The following BIN1 variants were observed in gnomAD, a reference collection of about 807,000 sequenced individuals.
BIN1 encodes bridging integrator 1.
BIN1 carries 53 observed loss-of-function variants against 82.0 expected under a neutral mutation model. The ratio of observed to expected loss-of-function variants is 0.65; its 90% CI spans 0.52 to 0.81. BIN1 has a LOEUF of 0.81. BIN1 is among the 40% of genes least tolerant of loss of function. The pLI is 0.00. For missense variants in BIN1, 642 were observed against 784.4 expected (o/e 0.82, Z 2.17); for synonymous variants, 302 against 328.0 (o/e 0.92, Z 0.86).
chr2:127,077,130 T>C (rs540210585), intron 1 of BIN1, among the ~76,000 whole-genome samples: 3 of 152,136 alleles, frequency 2.0e-5, no homozygotes, highest in South Asian at 4.2e-4. Flanking sequence ...ATGACTCTAT[T>C]CCCTGGGCCC....
rs13430398 is a variant in BIN1 at position 127,076,952 on chromosome 2, C to T, written c.85-246G>A. 0.18 allele frequency among the ~76,000 whole-genome samples: 27,469 copies of T among 151,996 alleles called. 2,655 individuals are homozygous for T. Among genetic ancestry groups the T allele is most frequent in the South Asian group, 0.25 (1,189 of 4,820 alleles). On this transcript the variant is annotated intron_variant, in intron 1 of 18. Transcript: ENST00000316724. ...AAAATGGAGCTTAGGACAGGCTTGA[C>T]GTAGTGACCACAGCCAGGAGGAGGG... is the stretch of plus-strand genomic sequence containing the variant.
At position 127,070,665 on chromosome 2, in the gene BIN1, A is replaced by T; in HGVS notation, c.221-18T>A. The T allele has an allele frequency of 6.2e-7, 1 of 1,613,990 alleles. No individual in the cohort carries two copies. Among genetic ancestry groups the T allele is most frequent in the Non-Finnish European group, 8.5e-7 (1 of 1,179,992 alleles). ...GTGCATGGCTGTGGGGCAGAAAGGAAGTATGTGGGCCTCCCACTGATAGCG... is the reference window on the plus strand; with the variant it reads ...GTGCATGGCTGTGGGGCAGAAAGGATGTATGTGGGCCTCCCACTGATAGCG... On this transcript the variant is annotated intron_variant, in intron 3 of 18. Transcript: ENST00000316724.
chr2:127,065,730 T>C (rs1435742626), intron 7 of BIN1, among the ~76,000 whole-genome samples: 1 of 152,196 alleles, frequency 6.6e-6, no homozygotes, highest in Non-Finnish European at 1.5e-5. Flanking sequence ...GCAGCTTGTC[T>C]GTGGGAACAT....
chr2:127,064,638 G>A (rs771722822), intron 7 of BIN1: 3 of 178,074 alleles, frequency 1.7e-5, no homozygotes, highest in Non-Finnish European at 3.6e-5. Flanking sequence ...GGCACCTCTA[G>A]GAATGTCAGG....
chr2:127,081,367 G>T (rs1164130296), intron 1 of BIN1, among the ~76,000 whole-genome samples: 1 of 152,202 alleles, frequency 6.6e-6, no homozygotes, highest in Non-Finnish European at 1.5e-5. Flanking sequence ...AGTCAGGAGG[G>T]GCCAGGAGCT....
At chr2:127,054,034 AGAG>A in intron 12 of BIN1, 22 bp from the exon 13 acceptor site, 1 of 1,544,186 alleles carries the variant, frequency 6.5e-7, no homozygotes, top group Non-Finnish European at 8.8e-7. Context: ...CAGCAGCAGC[AGAG>A]GAGGAAGCAG....
intron 1 of BIN1, among the ~76,000 whole-genome samples, chr2:127,088,504 G>C (rs1678477599): frequency 1.3e-5 from 2 of 152,170 alleles, no homozygotes. Context: ...GGGAGGCTGA[G>C]GGGGGCAAAT....
At chr2:127,064,481 C>T (rs1196737861) in intron 7 of BIN1, among the ~76,000 whole-genome samples, 1 of 152,232 alleles carries the variant, frequency 6.6e-6, no homozygotes, top group African/African-American at 2.4e-5. Flanking sequence ...TTGCCCCCGC[C>T]CCTGAGTGCT....
rs192202510 is a variant in BIN1 at position 127,063,523 on chromosome 2, C to T, written c.774+48G>A. On this transcript the variant is annotated intron_variant, in intron 9 of 18. Coordinates refer to ENST00000316724, the MANE Select transcript of BIN1 (RefSeq NM_139343.3). ...CCCTCCCACGACTCTGACTCTGACCCTCGGCCAGGGTGGGGTGTGGCCCCT... is the reference window on the plus strand; with the variant it reads ...CCCTCCCACGACTCTGACTCTGACCTTCGGCCAGGGTGGGGTGTGGCCCCT... 9.5e-6 allele frequency: 15 copies of T among 1,586,244 alleles called. 1 individual carries two copies. In the Admixed American group the frequency reaches 1.9e-4, roughly 20 times the overall value.
At chr2:127,073,082 G>GTTT (rs1686117240) in intron 2 of BIN1, among the ~76,000 whole-genome samples, 1 of 152,216 alleles carries the variant, frequency 6.6e-6, no homozygotes, top group Admixed American at 6.5e-5. Flanking sequence ...CGGGCTTCAG[G>GTTT]CCGTACCAGG....
At chr2:127,048,713 T>A in intron 18 of BIN1, 80 bp from the exon 19 acceptor site, 1 of 1,370,070 alleles carries the variant, frequency 7.3e-7, no homozygotes, top group South Asian at 1.2e-5. Flanking sequence ...TCCAACCTGC[T>A]GGGAAGACGG....
At position 127,051,359 on chromosome 2, in the gene BIN1, G is replaced by T. The variant is rs940958467; in HGVS notation, c.1372-116C>A. ...ACAGGGCCGGGGGCATCGCCTGGCT[G>T]GCAGCAGGGTCTAGAGCTGCCCAGT... is the stretch of plus-strand genomic sequence containing the variant. On this transcript the variant is annotated intron_variant, in intron 15 of 18. Transcript: ENST00000316724. 10 of 1,046,784 alleles carry T rather than the reference G, an allele frequency of 9.6e-6. No homozygotes were observed. In the East Asian group the frequency reaches 2.6e-4, roughly 27 times the overall value. 64.8% of individuals were successfully genotyped at this position (1,046,784 alleles called of 1,614,324 possible). A position where few individuals can be genotyped will look rare whatever the true frequency, so the allele number is the denominator to read the frequency against.
intron 2 of BIN1, among the ~76,000 whole-genome samples, chr2:127,076,347 A>G (rs1381938877): frequency 1.3e-5 from 2 of 151,448 alleles, no homozygotes; most frequent in Non-Finnish European, 2.9e-5. Flanking sequence ...TCTGGCCACA[A>G]TCTATTGCCT....
chr2:127,100,977 C>T (rs1221726805), intron 1 of BIN1, among the ~76,000 whole-genome samples: 1 of 123,098 alleles, frequency 8.1e-6, no homozygotes, highest in Non-Finnish European at 1.7e-5. Context: ...TTCAGTGAGA[C>T]TTGCCCAAGG....
At chr2:127,083,638 C>T (rs1178538778) in intron 1 of BIN1, among the ~76,000 whole-genome samples, 5 of 152,208 alleles carry the variant, frequency 3.3e-5, no homozygotes, top group Non-Finnish European at 7.3e-5. Context: ...CCCCCAAATG[C>T]CCTTTATGTC....
chr2:127,092,524 G>C (rs1342741863), intron 1 of BIN1, among the ~76,000 whole-genome samples: 1 of 152,184 alleles, frequency 6.6e-6, no homozygotes, highest in Non-Finnish European at 1.5e-5. Flanking sequence ...GCTGACTAAA[G>C]GCCCCAAACA....
At chr2:127,065,693 G>A (rs1033251079) in intron 7 of BIN1, among the ~76,000 whole-genome samples, 1 of 152,182 alleles carries the variant, frequency 6.6e-6, no homozygotes. Context: ...AGATGGCAAC[G>A]GTGGGGACAG....
At chr2:127,072,476 G>A (rs1302921783) in intron 2 of BIN1, among the ~76,000 whole-genome samples, 1 of 152,190 alleles carries the variant, frequency 6.6e-6, no homozygotes, top group Non-Finnish European at 1.5e-5. Flanking sequence ...CCCGCAGGGT[G>A]TTTTGTGGGT....
At chr2:127,098,972 G>A (rs966381724) in intron 1 of BIN1, among the ~76,000 whole-genome samples, 4 of 152,208 alleles carry the variant, frequency 2.6e-5, no homozygotes, top group South Asian at 2.1e-4. Flanking sequence ...AGCTGACCAC[G>A]GCTGCTTTAT....
Sources: allele counts gnomAD v4.1 joint callset (sites outside exome capture counted in the v4.1 genomes callset), GRCh38; gene constraint gnomAD v4.1.1; transcripts MANE v1.5; gene names NCBI Gene and HGNC (gene_info 2026-07-23, HGNC 2026-07-21).